The following GHRH variants were observed in gnomAD, a reference collection of about 807,000 sequenced individuals.
The protein encoded by GHRH is somatoliberin.
In GHRH, 7 loss-of-function variants were observed where a neutral mutation model predicts 15.6. The ratio of observed to expected loss-of-function variants is 0.45; its 90% CI spans 0.26 to 0.84. GHRH has a LOEUF of 0.84. GHRH is among the 40% of genes least tolerant of loss of function. The pLI, the probability that GHRH is intolerant of heterozygous loss-of-function variation, is 0.18. For missense variants in GHRH, 117 were observed against 138.0 expected, an observed-to-expected ratio of 0.85 and a Z score of 0.76; for synonymous variants, 54 against 50.4, an observed-to-expected ratio of 1.07 and a Z score of -0.30.
intron 4 of GHRH, among the ~76,000 whole-genome samples, 167 bp downstream of exon 4, chr20:37,254,043 C>T (rs1296801475): frequency 6.6e-6 from 1 of 152,182 alleles, no homozygotes; most frequent in Non-Finnish European, 1.5e-5. Flanking sequence ...GCCACCATAC[C>T]CAGCCACTCT....
At chr20:37,251,265 A>T in intron 4 of GHRH, 34 bp from the exon 5 acceptor site, 2 of 1,590,672 alleles carry the variant, frequency 1.3e-6, no homozygotes, top group South Asian at 2.3e-5. Context: ...AATCCGGGGA[A>T]TTGAAGTAAG....
At chr20:37,251,854 A>G (rs2068623237) in intron 4 of GHRH, among the ~76,000 whole-genome samples, 1 of 152,240 alleles carries the variant, frequency 6.6e-6, no homozygotes, top group South Asian at 2.1e-4. Flanking sequence ...ATTCCTGCTC[A>G]CCAGTGATAT....
At chr20:37,251,348 A>T in intron 4 of GHRH, 117 bp from the exon 5 acceptor site, 2 of 770,066 alleles carry the variant, frequency 2.6e-6, no homozygotes, top group South Asian at 3.8e-5. Flanking sequence ...TTTGGATTCC[A>T]AAAGAGGCAG....
intron 1 of GHRH, among the ~76,000 whole-genome samples, chr20:37,260,270 T>G (rs553871367): frequency 6.6e-6 from 1 of 152,170 alleles, no homozygotes; most frequent in East Asian, 1.9e-4. Flanking sequence ...TCCATGGGTT[T>G]GCAGATCCCA....
chr20:37,261,611 C>T (rs1253355984), intron 1 of GHRH, 132 bp downstream of exon 1: 1 of 152,226 alleles, frequency 6.6e-6, no homozygotes, highest in African/African-American at 2.4e-5. Context: ...GAGAGGGGCT[C>T]AAATGTACTC....
At chr20:37,259,266 T>C (rs139244950) in intron 1 of GHRH, among the ~76,000 whole-genome samples, 1 of 152,220 alleles carries the variant, frequency 6.6e-6, no homozygotes, top group Admixed American at 6.5e-5. Flanking sequence ...TCCGCATGTC[T>C]GACTTAAGCT....
chr20:37,256,960 G>GGCCAGTGAAGGCCAT, intron 1 of GHRH, 52 bp from the exon 2 acceptor site: 1 of 1,085,364 alleles, frequency 9.2e-7, no homozygotes, highest in Non-Finnish European at 1.4e-6. Context: ...CATTGGGATG[G>GGCCAGTGAAGGCCAT]CCTTCACTGG....
chr20:37,260,225 GA>G (rs906093107), intron 1 of GHRH, among the ~76,000 whole-genome samples: 3 of 152,190 alleles, frequency 2.0e-5, no homozygotes, highest in African/African-American at 7.2e-5. Flanking sequence ...CATAGGTCAA[GA>G]CCCCACAGCA....
rs1377696002 is a variant in GHRH at position 37,258,666 on chromosome 20, C to T, written c.-19-1758G>A. Among the ~76,000 whole-genome samples the T allele has an allele frequency of 2.0e-5, 3 of 152,214 alleles. No individual in the cohort carries two copies. The highest frequency in any genetic ancestry group is 2.9e-5 in the Non-Finnish European group (2 of 68,044). On this transcript the variant is annotated intron_variant, in intron 1 of 4. Transcript: ENST00000373614. The surrounding 1 kb of genome is among the most constrained non-coding windows in gnomAD (Gnocchi z 4.1). ...CACTGGCTGTCCTCCACTTCCTGCT[C>T]GAGTGAGCACTTGCTGCCAGCGAAT... is the stretch of plus-strand genomic sequence containing the variant.
intron 1 of GHRH, among the ~76,000 whole-genome samples, chr20:37,259,948 G>C (rs1035764574): frequency 6.6e-6 from 1 of 152,092 alleles, no homozygotes; most frequent in Non-Finnish European, 1.5e-5. Flanking sequence ...GTGGGAAAGG[G>C]TCTGAAAAAA....
intron 1 of GHRH, among the ~76,000 whole-genome samples, chr20:37,261,245 A>C (rs962555040): frequency 6.6e-6 from 1 of 152,216 alleles, no homozygotes; most frequent in Non-Finnish European, 1.5e-5. Flanking sequence ...AAGGCAGATA[A>C]TTGTGTCTAA....
At position 37,258,545 on chromosome 20, in the gene GHRH, C is replaced by G. The variant is rs527496128; in HGVS notation, c.-19-1637G>C. ...CACTCAGGGGGTCTGCTTACTGCAG[C>G]CTGAGACCCTGTACCTGCAGAGCTG... On this transcript the variant is annotated intron_variant, in intron 1 of 4. Coordinates refer to ENST00000373614, the MANE Select transcript of GHRH (RefSeq NM_021081.6). The surrounding 1 kb of genome is among the most constrained non-coding windows in gnomAD (Gnocchi z 4.1). Among the ~76,000 whole-genome samples, 1 of 152,256 alleles carries G rather than the reference C, an allele frequency of 6.6e-6. No homozygotes were observed. The highest frequency in any genetic ancestry group is 2.1e-4 in the South Asian group (1 of 4,822).
At chr20:37,251,580 T>TACA (rs1259822381) in intron 4 of GHRH, among the ~76,000 whole-genome samples, 2 of 152,232 alleles carry the variant, frequency 1.3e-5, no homozygotes, top group Non-Finnish European at 2.9e-5. Flanking sequence ...TAATTGACTG[T>TACA]ACAAGAACGT....
intron 2 of GHRH, 99 bp downstream of exon 2, chr20:37,256,708 C>T: frequency 1.0e-6 from 1 of 975,816 alleles, no homozygotes; most frequent in Non-Finnish European, 1.6e-6. Context: ...GGAGACATAG[C>T]CAGGGCCCAG....
At chr20:37,256,212 C>T (rs1427748827) in intron 3 of GHRH, among the ~76,000 whole-genome samples, 182 bp downstream of exon 3, 6 of 152,160 alleles carry the variant, frequency 3.9e-5, no homozygotes, top group South Asian at 2.1e-4. Flanking sequence ...TGAAGAGACA[C>T]GTGGTAGGCA....
At chr20:37,257,302 G>A (rs2068663084) in intron 1 of GHRH, among the ~76,000 whole-genome samples, 1 of 151,998 alleles carries the variant, frequency 6.6e-6, no homozygotes, top group African/African-American at 2.4e-5. Flanking sequence ...ATCACCTGAG[G>A]CCAGGAGTTT....
At chr20:37,256,599 A>T (rs1449569014) in intron 2 of GHRH, 101 bp from the exon 3 acceptor site, 1 of 797,356 alleles carries the variant, frequency 1.3e-6, no homozygotes, top group Non-Finnish European at 2.1e-6. Context: ...TTCTGTTGCC[A>T]TCTGTCCCAC....
Position 37,254,323 on chromosome 20 carries a change from GCTCT to G in GHRH, c.191_194del (p.Glu64AlafsTer15), listed in dbSNP as rs777102891. 1 of 1,614,128 alleles carries G rather than the reference GCTCT, an allele frequency of 6.2e-7. No individual in the cohort carries two copies. The highest frequency in any genetic ancestry group is 8.5e-7 in the Non-Finnish European group (1 of 1,179,974). Reference sequence around the variant, plus strand: ...GTGCCCTTGCTCCTCGCTCTTGGTTGCTCTCTCTGTGTGGTTAGAAAAAGAGAAC... The same window carrying G: ...GTGCCCTTGCTCCTCGCTCTTGGTTGCTCTGTGTGGTTAGAAAAAGAGAAC... On this transcript the variant is annotated frameshift_variant and splice_region_variant, in exon 4 of 5. Transcript: ENST00000373614. LOFTEE classifies it high-confidence loss of function.
At chr20:37,254,400 G>A in intron 3 of GHRH, 71 bp from the exon 4 acceptor site, 1 of 1,514,276 alleles carries the variant, frequency 6.6e-7, no homozygotes, top group African/African-American at 1.4e-5. Context: ...ATATCCCTAT[G>A]CCTATTTCAA....
Sources: allele counts gnomAD v4.1 joint callset (sites outside exome capture counted in the v4.1 genomes callset), GRCh38; gene constraint gnomAD v4.1.1; non-coding constraint Gnocchi (gnomAD v3.1); transcripts MANE v1.5; gene names NCBI Gene and HGNC (gene_info 2026-07-23, HGNC 2026-07-21).